The following CD58 variants were observed in gnomAD, a reference collection of about 807,000 sequenced individuals.
The protein encoded by CD58 is lymphocyte function-associated antigen 3.
CD58 carries 14 observed loss-of-function variants against 27.6 expected under a neutral mutation model. The ratio of observed to expected loss-of-function variants is 0.51; its 90% CI spans 0.34 to 0.79. The LOEUF (loss-of-function observed/expected upper bound fraction) is 0.79. Ranked by LOEUF, CD58 falls within the 30% of genes least tolerant of loss-of-function variation. The pLI is 0.02. For synonymous variants in CD58, 117 were observed against 103.8 expected, an observed-to-expected ratio of 1.13 and a Z score of -0.77; for missense variants, 268 against 301.7, an observed-to-expected ratio of 0.89 and a Z score of 0.83.
At chr1:116,564,302 AG>A (rs201689228) in intron 1 of CD58, among the ~76,000 whole-genome samples, 1,643 of 152,312 alleles carry the variant, frequency 0.011, 82 homozygotes, top group Admixed American at 0.097. Flanking sequence ...ACAAGTCTCT[AG>A]GAAGTTCCAA....
chr1:116,539,348 C>A (rs1486606640), intron 2 of CD58, among the ~76,000 whole-genome samples: 1 of 152,088 alleles, frequency 6.6e-6, no homozygotes, highest in East Asian at 1.9e-4. Flanking sequence ...CTTTTAGGAG[C>A]TGGAAGAGTT....
chr1:116,567,241 GGGGAGGGGAGGGA>G lies in CD58; in HGVS notation c.70+3649_70+3661del, dbSNP rs1251918148. Among the ~76,000 whole-genome samples the G allele has an allele frequency of 2.5e-4, 32 of 126,792 alleles. No individual in the cohort carries two copies. In the South Asian group the frequency reaches 9.5e-3, roughly 38 times the overall value. 83.2% of individuals were successfully genotyped at this position (126,792 alleles called of 152,430 possible). On this transcript the variant is annotated intron_variant, in intron 1 of 5. Transcript: ENST00000369489. Reference sequence around the variant, plus strand: ...GGGAGGGGGAGGGGAGGGAAAGGGAGGGGAGGGGAGGGAGGGAGGGGAGGGGAGAGAGGAAGGA... The same window carrying G: ...GGGAGGGGGAGGGGAGGGAAAGGGAGGGGAGGGGAGGGGAGAGAGGAAGGA...
At chr1:116,535,434 T>C (rs1043678027) in intron 3 of CD58, among the ~76,000 whole-genome samples, 6 of 152,246 alleles carry the variant, frequency 3.9e-5, no homozygotes, top group Non-Finnish European at 7.3e-5. Context: ...TTATAGGTTG[T>C]ATGAGGATTG....
Position 116,532,033 on chromosome 1 carries a change from T to C in CD58, c.628+3932A>G, listed in dbSNP as rs763372080. Among the ~76,000 whole-genome samples the C allele has an allele frequency of 6.6e-6, 1 of 152,222 alleles. No individual in the cohort carries two copies. Among genetic ancestry groups the C allele is most frequent in the East Asian group, 1.9e-4 (1 of 5,202 alleles). On this transcript the variant is annotated intron_variant, in intron 3 of 5. Transcript: ENST00000369489. The surrounding 1 kb of genome is among the most constrained non-coding windows in gnomAD (Gnocchi z 5.1). Reference sequence around the variant, plus strand: ...GAGAAAGCAGGACTTGACGCTCATATGCTCAAATGAAACGCAGGACTTCCC... The same window carrying C: ...GAGAAAGCAGGACTTGACGCTCATACGCTCAAATGAAACGCAGGACTTCCC...
chr1:116,561,989 A>G (rs1236345418), intron 1 of CD58, among the ~76,000 whole-genome samples: 2 of 152,192 alleles, frequency 1.3e-5, no homozygotes, highest in Admixed American at 6.5e-5. Flanking sequence ...GGAACACACA[A>G]CACTATTTTA....
In CD58 at chr1:116,536,333, G is replaced by A. The variant is rs1368846567; in HGVS notation, c.365-105C>T. 2.5e-6 allele frequency: 2 copies of A among 785,170 alleles called. No homozygotes were observed. The highest frequency in any genetic ancestry group is 5.4e-5 in the East Asian group (2 of 37,132). The allele number at this position is 785,170 out of a possible 1,614,324, so 48.6% of individuals were successfully genotyped here. A position where few individuals can be genotyped will look rare whatever the true frequency, so the allele number is the denominator to read the frequency against. ...AACCTCCTTACAAGCTTGAAAGGATGAGCAGACAAACTCCTTGAGCATCAA... is the reference window on the plus strand; with the variant it reads ...AACCTCCTTACAAGCTTGAAAGGATAAGCAGACAAACTCCTTGAGCATCAA... On this transcript the variant is annotated intron_variant, in intron 2 of 5. Transcript: ENST00000369489. The surrounding 1 kb of genome is among the most constrained non-coding windows in gnomAD (Gnocchi z 5.4).
chr1:116,533,669 CT>C, intron 3 of CD58: 1 of 681,844 alleles, frequency 1.5e-6, no homozygotes, highest in South Asian at 1.4e-5. Context: ...GTTATGACTA[CT>C]TTATTTTTCC....
At chr1:116,569,487 C>T (rs893863583) in intron 1 of CD58, among the ~76,000 whole-genome samples, 7 of 152,120 alleles carry the variant, frequency 4.6e-5, no homozygotes, top group African/African-American at 1.7e-4. Flanking sequence ...ATCACCAGTC[C>T]TTGAAGGCTG....
intron 1 of CD58, among the ~76,000 whole-genome samples, chr1:116,567,881 T>A (rs1658993783): frequency 6.6e-6 from 1 of 152,052 alleles, no homozygotes; most frequent in South Asian, 2.1e-4. Flanking sequence ...ACAGACCACA[T>A]CTTCCTGATG....
chr1:116,556,506 T>C (rs1202547668), intron 1 of CD58, among the ~76,000 whole-genome samples: 2 of 152,134 alleles, frequency 1.3e-5, no homozygotes, highest in East Asian at 1.9e-4. Flanking sequence ...ATACAATCTA[T>C]AGACAGCATT....
chr1:116,533,262 G>T, intron 3 of CD58: 1 of 1,052,014 alleles, frequency 9.5e-7, no homozygotes, highest in Non-Finnish European at 1.5e-6. Context: ...TGTTCTAACA[G>T]TGCCTGGACC....
Position 116,514,601 on chromosome 1 carries a change from C to CA in CD58, c.*211dup. 4.1e-6 allele frequency: 2 copies of CA among 489,366 alleles called. No homozygotes were observed. Among genetic ancestry groups the CA allele is most frequent in the East Asian group, 3.4e-5 (1 of 29,296 alleles). 30.3% of individuals were successfully genotyped at this position (489,366 alleles called of 1,614,324 possible). ...ATCATCAGTAAAAACAATTTACTGACAAAAAAAGCAAGCACCTAGTCATAT... is the reference window on the plus strand; with the variant it reads ...ATCATCAGTAAAAACAATTTACTGACAAAAAAAAGCAAGCACCTAGTCATAT... On this transcript the variant is annotated 3_prime_UTR_variant, in exon 6 of 6. Transcript: ENST00000369489.
chr1:116,528,142 G>A lies in CD58; in HGVS notation c.629-6159C>T, dbSNP rs1657485001. ...GTGGAAAGTCATAAAAGTCACAAGA[G>A]ACCAACTTAAATCAGTCCAAAAATC... On this transcript the variant is annotated intron_variant, in intron 3 of 5. Transcript: ENST00000369489. The surrounding 1 kb of genome is among the most constrained non-coding windows in gnomAD (Gnocchi z 4.4). Among the ~76,000 whole-genome samples, 1 of 152,282 alleles carries A rather than the reference G, an allele frequency of 6.6e-6. No individual in the cohort carries two copies. Among genetic ancestry groups the A allele is most frequent in the East Asian group, 1.9e-4 (1 of 5,192 alleles).
chr1:116,557,783 T>C lies in CD58; in HGVS notation c.70+13120A>G, dbSNP rs113154907. 0.087 allele frequency among the ~76,000 whole-genome samples: 13,199 copies of C among 151,758 alleles called. 1,870 individuals are homozygous for C. Among genetic ancestry groups the C allele is most frequent in the African/African-American group, 0.3 (12,267 of 41,314 alleles). ...CAACCTCCTGGGCTCAAGTGATCCT[T>C]CTGCCTCAGCCTCCCAAGTAGCTAG... On this transcript the variant is annotated intron_variant, in intron 1 of 5. Coordinates refer to ENST00000369489, the MANE Select transcript of CD58 (RefSeq NM_001779.3). This position sits in a 1 kb window ranked among gnomAD's most constrained non-coding sequence, Gnocchi z 5.2.
rs1008639092 is a variant in CD58 at position 116,533,144 on chromosome 1, A to G, written c.628+2821T>C. The G allele has an allele frequency of 6.6e-6, 5 of 754,038 alleles. No homozygotes were observed. The African/African-American group carries it at 8.6e-5, about 13-fold the overall frequency. The allele number at this position is 754,038 out of a possible 1,614,324, so 46.7% of individuals were successfully genotyped here. A position where few individuals can be genotyped will look rare whatever the true frequency, so the allele number is the denominator to read the frequency against. ...GGAAAAAGTGTCCAATTTCAAAATCAGAGGCTAATACGAATTCAGAATCTT... is the reference window on the plus strand; with the variant it reads ...GGAAAAAGTGTCCAATTTCAAAATCGGAGGCTAATACGAATTCAGAATCTT... On this transcript the variant is annotated intron_variant, in intron 3 of 5. Coordinates refer to ENST00000369489, the MANE Select transcript of CD58 (RefSeq NM_001779.3).
Position 116,516,607 on chromosome 1 carries a change from C to T in CD58, c.744-1785G>A, listed in dbSNP as rs1441789704. On this transcript the variant is annotated intron_variant, in intron 5 of 5. Coordinates refer to ENST00000369489, the MANE Select transcript of CD58 (RefSeq NM_001779.3). The surrounding 1 kb of genome is among the most constrained non-coding windows in gnomAD (Gnocchi z 6.1). ...AAATAAATCACAACAGATTTAATTC[C>T]CTCTCATGTATTTGCCTCCGCTGTT... 6.6e-6 allele frequency among the ~76,000 whole-genome samples: 1 copy of T among 152,124 alleles called. No individual in the cohort carries two copies. The highest frequency in any genetic ancestry group is 2.4e-5 in the African/African-American group (1 of 41,408).
At position 116,522,670 on chromosome 1, in the gene CD58, AC is replaced by A. The variant is rs780006357; in HGVS notation, c.629-688del. Among the ~76,000 whole-genome samples, 12 of 152,294 alleles carry A rather than the reference AC, an allele frequency of 7.9e-5. No individual in the cohort carries two copies. The highest frequency in any genetic ancestry group is 1.8e-4 in the Non-Finnish European group (12 of 68,024). On this transcript the variant is annotated intron_variant, in intron 3 of 5. Coordinates refer to ENST00000369489, the MANE Select transcript of CD58 (RefSeq NM_001779.3). This position sits in a 1 kb window ranked among gnomAD's most constrained non-coding sequence, Gnocchi z 4.6. ...AATAACAAGATTCGACTATTTCTAAACAAACTTATATGCACAAGCTTGATAC... is the reference window on the plus strand; with the variant it reads ...AATAACAAGATTCGACTATTTCTAAAAAACTTATATGCACAAGCTTGATAC...
chr1:116,541,516 C>G lies in CD58; in HGVS notation c.364+2795G>C, dbSNP rs897966869. Among the ~76,000 whole-genome samples, 30 of 152,254 alleles carry G rather than the reference C, an allele frequency of 2.0e-4. No homozygotes were observed. The highest frequency in any genetic ancestry group is 6.7e-4 in the African/African-American group (28 of 41,556). ...TTTAAAAAGATCATTCTGGTAGAAC[C>G]AATACAACTTCCTGGTAGAGTGAAT... On this transcript the variant is annotated intron_variant, in intron 2 of 5. Coordinates refer to ENST00000369489, the MANE Select transcript of CD58 (RefSeq NM_001779.3). This position sits in a 1 kb window ranked among gnomAD's most constrained non-coding sequence, Gnocchi z 5.3.
At chr1:116,533,573 G>GCATA (rs1291124146) in intron 3 of CD58, 11 of 713,374 alleles carry the variant, frequency 1.5e-5, no homozygotes, top group Non-Finnish European at 2.9e-5. Context: ...AATTCACTTA[G>GCATA]CATATCTACA....
Sources: allele counts gnomAD v4.1 joint callset (sites outside exome capture counted in the v4.1 genomes callset), GRCh38; gene constraint gnomAD v4.1.1; non-coding constraint Gnocchi (gnomAD v3.1); transcripts MANE v1.5; gene names NCBI Gene and HGNC (gene_info 2026-07-23, HGNC 2026-07-21).